ACOT11: variants seen among roughly 807,000 people sequenced by gnomAD.
ACOT11 encodes acyl-CoA thioesterase 11.
Under a neutral mutation model 77.5 loss-of-function variants are expected in ACOT11, and 69 were observed. The observed-to-expected ratio is 0.89, with a 90% CI of 0.73 to 1.09. ACOT11 has a LOEUF of 1.09. Ranked by LOEUF, ACOT11 falls within the 50% of genes least tolerant of loss-of-function variation. ACOT11 has a pLI of 0.00. For missense variants in ACOT11, 766 were observed against 813.7 expected (o/e 0.94, Z 0.71); for synonymous variants, 279 against 313.0 (o/e 0.89, Z 1.15).
chr1:54,611,878 C>T (rs375013375), downstream of ACOT11: 46 of 995,262 alleles, frequency 4.6e-5, 1 homozygote, highest in East Asian at 4.0e-4. Flanking sequence ...CCTGCCACTT[C>T]TCCCTGAGTC....
chr1:54,560,629 G>C (rs1007524362), intron 1 of ACOT11, among the ~76,000 whole-genome samples: 5 of 152,032 alleles, frequency 3.3e-5, no homozygotes, highest in Non-Finnish European at 7.4e-5. Context: ...CCTAGGCTCA[G>C]GTGATCTTCC....
intron 6 of ACOT11, among the ~76,000 whole-genome samples, chr1:54,595,199 A>G (rs1229733269): frequency 1.3e-5 from 2 of 152,012 alleles, no homozygotes; most frequent in African/African-American, 4.8e-5. Flanking sequence ...ATACAAAATT[A>G]GCTGGGTGTA....
intron 1 of ACOT11, among the ~76,000 whole-genome samples, chr1:54,570,885 G>A (rs1653907347): frequency 6.6e-6 from 1 of 151,916 alleles, no homozygotes; most frequent in Non-Finnish European, 1.5e-5. Flanking sequence ...GTTTCACCAT[G>A]TTGGCCAGCC....
chr1:54,571,529 C>A (rs1653931303), intron 1 of ACOT11, among the ~76,000 whole-genome samples: 1 of 152,146 alleles, frequency 6.6e-6, no homozygotes, highest in Non-Finnish European at 1.5e-5. Context: ...AGCTCTGGAC[C>A]TCCTAATGCC....
chr1:54,585,972 A>G, intron 3 of ACOT11, 68 bp downstream of exon 3: 3 of 1,526,102 alleles, frequency 2.0e-6, no homozygotes, highest in South Asian at 1.2e-5. Flanking sequence ...TGTCCTCCTG[A>G]CTCCCTGCCT....
downstream of ACOT11, chr1:54,610,866 G>C (rs1644110433): frequency 1.0e-6 from 1 of 985,276 alleles, no homozygotes; most frequent in African/African-American, 1.7e-5. Flanking sequence ...GGGCCTCTTT[G>C]AGATGGCTTA....
intron 1 of ACOT11, among the ~76,000 whole-genome samples, chr1:54,577,795 C>T (rs886182293): frequency 6.6e-6 from 1 of 152,202 alleles, no homozygotes; most frequent in Non-Finnish European, 1.5e-5. Flanking sequence ...ACACAGGTCC[C>T]GTGAATTTCC....
chr1:54,590,732 A>C (rs1404490034), intron 3 of ACOT11, among the ~76,000 whole-genome samples: 1 of 152,122 alleles, frequency 6.6e-6, no homozygotes, highest in Non-Finnish European at 1.5e-5. Context: ...GTATCTATGT[A>C]TGGACAAATA....
At position 54,605,050 on chromosome 1, in the gene ACOT11, A is replaced by G. The variant is rs751643656; in HGVS notation, c.1237-26A>G. 14 of 1,597,220 alleles carry G rather than the reference A, an allele frequency of 8.8e-6. No homozygotes were observed. The South Asian group carries it at 1.5e-4, about 17-fold the overall frequency. On this transcript the variant is annotated intron_variant, in intron 12 of 15. Coordinates refer to ENST00000343744, the MANE Select transcript of ACOT11 (RefSeq NM_147161.4). The stretch of plus-strand genomic sequence containing the variant: ...ATCAGTCCACTCCACCACCCAGCAA[A>G]TGAGGCTGCCCTCTATCCCATGCAG...
At chr1:54,623,273 C>T (rs1227033022) in intron 15 of ACOT11, 3 of 1,610,712 alleles carry the variant, frequency 1.9e-6, no homozygotes, top group Non-Finnish European at 2.5e-6. Context: ...GGGGGAGGCA[C>T]CTACCTGGCC....
chr1:54,590,653 T>C (rs977757442), intron 3 of ACOT11, among the ~76,000 whole-genome samples: 1 of 152,192 alleles, frequency 6.6e-6, no homozygotes, highest in Non-Finnish European at 1.5e-5. Flanking sequence ...TTCAAACATA[T>C]AGAAAAGTTG....
intron 15 of ACOT11, chr1:54,620,035 C>T (rs767118053): frequency 9.3e-6 from 15 of 1,609,718 alleles, no homozygotes; most frequent in African/African-American, 4.0e-5. Context: ...GGGCTGTTAG[C>T]GTCTGTCCTC....
At chr1:54,590,551 A>C (rs1262932519) in intron 3 of ACOT11, among the ~76,000 whole-genome samples, 1 of 151,970 alleles carries the variant, frequency 6.6e-6, no homozygotes, top group African/African-American at 2.4e-5. Flanking sequence ...AGGAAAAATC[A>C]CAAATTCCTC....
chr1:54,613,280 G>A (rs1644137752), downstream of ACOT11, among the ~76,000 whole-genome samples: 1 of 152,102 alleles, frequency 6.6e-6, no homozygotes, highest in African/African-American at 2.4e-5. Flanking sequence ...TTGGGAGGCT[G>A]AGGCAGGAAA....
intron 5 of ACOT11, 55 bp downstream of exon 5, chr1:54,594,094 A>G (rs569924055): frequency 5.2e-6 from 8 of 1,528,696 alleles, no homozygotes; most frequent in South Asian, 3.4e-5. Flanking sequence ...GGCACCTGCC[A>G]TGGCGAGTCT....
chr1:54,548,333 C>A lies in ACOT11; in HGVS notation c.24C>A (p.His8Gln). The stretch of plus-strand genomic sequence containing the variant: ...CGATGATCCAGAATGTCGGAAATCA[C>A]CTGCGACGGGTATGGAGGGTGGGCT... Reference protein sequence around the residue: MIQNVGNHLRRGLASVFS... With the variant: MIQNVGNQLRRGLASVFS... The change falls in exon 1 of 16, where the codon CAC (histidine) becomes CAA (glutamine). Residue 8 changes from histidine (H) to glutamine (Q), a missense_variant. His to Gln is a conservative substitution (Grantham distance 24). Transcript: ENST00000343744. The A allele has an allele frequency of 6.2e-7, 1 of 1,602,550 alleles. No individual in the cohort carries two copies. Among genetic ancestry groups the A allele is most frequent in the Non-Finnish European group, 8.5e-7 (1 of 1,175,076 alleles).
chr1:54,562,320 A>C (rs1168336802), intron 1 of ACOT11, among the ~76,000 whole-genome samples: 40 of 56,692 alleles, frequency 7.1e-4, no homozygotes, highest in Admixed American at 1.6e-3. Context: ...GGGGGGGCTG[A>C]CCCCCCCATC....
chr1:54,558,320 G>C (rs772536481), intron 1 of ACOT11, among the ~76,000 whole-genome samples: 2 of 152,220 alleles, frequency 1.3e-5, no homozygotes, highest in Non-Finnish European at 2.9e-5. Context: ...AGTGCTAGCT[G>C]TATGCCATGC....
intron 8 of ACOT11, 114 bp from the exon 9 acceptor site, chr1:54,601,155 A>C: frequency 1.6e-6 from 2 of 1,250,990 alleles, no homozygotes; most frequent in Non-Finnish European, 2.2e-6. Context: ...GTGTGTGTGC[A>C]TGCATGTGTG....
Sources: allele counts gnomAD v4.1 joint callset (sites outside exome capture counted in the v4.1 genomes callset), GRCh38; gene constraint gnomAD v4.1.1; transcripts MANE v1.5; gene names NCBI Gene and HGNC (gene_info 2026-07-23, HGNC 2026-07-21).